The following CLNK variants were observed in gnomAD, a reference collection of about 807,000 sequenced individuals.
CLNK encodes cytokine-dependent hematopoietic cell linker.
Under a neutral mutation model 68.6 loss-of-function variants are expected in CLNK, and 74 were observed. The ratio of observed to expected loss-of-function variants is 1.08; its 90% CI spans 0.89 to 1.31. The LOEUF is 1.31. CLNK is among the 50% of genes most tolerant of loss of function. CLNK has a pLI of 0.00. For synonymous variants in CLNK, 198 were observed against 172.2 expected, an observed-to-expected ratio of 1.15 and a Z score of -1.17; for missense variants, 553 against 515.3, an observed-to-expected ratio of 1.07 and a Z score of -0.71.
At chr4:10,630,964 A>C (rs1722867806) in intron 2 of CLNK, among the ~76,000 whole-genome samples, 1 of 152,156 alleles carries the variant, frequency 6.6e-6, no homozygotes. Context: ...TACTGATATT[A>C]TTTACAGAAT....
At chr4:10,635,431 T>G (rs538625837) in intron 2 of CLNK, among the ~76,000 whole-genome samples, 1 of 152,252 alleles carries the variant, frequency 6.6e-6, no homozygotes, top group South Asian at 2.1e-4. Flanking sequence ...AGCTGTACAG[T>G]ACGTGCTCTG....
chr4:10,674,928 G>A (rs1724810223), intron 1 of CLNK, among the ~76,000 whole-genome samples: 1 of 151,558 alleles, frequency 6.6e-6, no homozygotes, highest in South Asian at 2.1e-4. Context: ...ATGTTCATGA[G>A]AATACATGGA....
chr4:10,545,387 G>A (rs563607888), intron 8 of CLNK, among the ~76,000 whole-genome samples: 4 of 152,194 alleles, frequency 2.6e-5, no homozygotes, highest in Admixed American at 1.3e-4. Context: ...GGGTCCTAAG[G>A]TTCCAGAATA....
chr4:10,519,400 A>G (rs557980288), intron 15 of CLNK, among the ~76,000 whole-genome samples: 2 of 152,148 alleles, frequency 1.3e-5, no homozygotes, highest in East Asian at 1.9e-4. Flanking sequence ...CAAAACCTCC[A>G]TAAGTAAGAC....
chr4:10,491,309 T>A, intron 18 of CLNK, among the ~76,000 whole-genome samples: 1 of 152,194 alleles, frequency 6.6e-6, no homozygotes, highest in East Asian at 1.9e-4. Context: ...AGCCTTGGAA[T>A]CTCTGTTGCC....
the CLNK span, among the ~76,000 whole-genome samples, chr4:10,714,593 G>A: frequency 6.6e-6 from 1 of 152,030 alleles, no homozygotes; most frequent in South Asian, 2.1e-4. Context: ...ACAAATCATA[G>A]ATCAAAAATC....
At chr4:10,519,811 A>G (rs1039042851) in intron 15 of CLNK, among the ~76,000 whole-genome samples, 1 of 152,174 alleles carries the variant, frequency 6.6e-6, no homozygotes, top group African/African-American at 2.4e-5. Flanking sequence ...ACTACATGGC[A>G]GGCAGAGGGC....
intron 18 of CLNK, among the ~76,000 whole-genome samples, chr4:10,499,670 T>G (rs1716960605): frequency 6.6e-6 from 1 of 152,226 alleles, no homozygotes; most frequent in South Asian, 2.1e-4. Context: ...CTACCGTAAC[T>G]AAGCACTACA....
rs536176716 is a variant in CLNK at position 10,532,424 on chromosome 4, T to C, written c.603-141A>G. 1.8e-5 allele frequency: 12 copies of C among 673,070 alleles called. No individual in the cohort carries two copies. The African/African-American group carries it at 2.2e-4, about 12-fold the overall frequency. The allele number at this position is 673,070 out of a possible 1,614,324, so 41.7% of individuals were successfully genotyped here. On this transcript the variant is annotated intron_variant, in intron 11 of 18. Coordinates refer to ENST00000226951, the MANE Select transcript of CLNK (RefSeq NM_052964.4). Reference sequence around the variant, plus strand: ...TAGTCCAGTGAGATATTTATCACTCTTCCATAAAACTAAAGCCAGGTTATT... The same window carrying C: ...TAGTCCAGTGAGATATTTATCACTCCTCCATAAAACTAAAGCCAGGTTATT...
At chr4:10,540,922 A>G (rs1478688601) in intron 10 of CLNK, among the ~76,000 whole-genome samples, 2 of 152,100 alleles carry the variant, frequency 1.3e-5, no homozygotes, top group African/African-American at 2.4e-5. Flanking sequence ...CCAAATAAAT[A>G]TAAAAAAAGT....
At chr4:10,498,252 G>A (rs978926059) in intron 18 of CLNK, among the ~76,000 whole-genome samples, 1 of 152,172 alleles carries the variant, frequency 6.6e-6, no homozygotes. Flanking sequence ...AGCACTCTGG[G>A]AGGCTGAGGC....
chr4:10,538,064 A>G (rs1024111480), intron 11 of CLNK, among the ~76,000 whole-genome samples: 3 of 152,222 alleles, frequency 2.0e-5, no homozygotes, highest in East Asian at 1.9e-4. Flanking sequence ...AGAAGATAAA[A>G]TGCTTTTTTC....
chr4:10,571,799 A>C (rs1720366024), intron 4 of CLNK, 21 bp from the exon 5 acceptor site: 1 of 1,606,726 alleles, frequency 6.2e-7, no homozygotes, highest in East Asian at 2.2e-5. Flanking sequence ...AAACAGACCG[A>C]GTGTTATTTT....
At chr4:10,596,537 A>T (rs996970767) in intron 3 of CLNK, among the ~76,000 whole-genome samples, 1 of 152,234 alleles carries the variant, frequency 6.6e-6, no homozygotes, top group Non-Finnish European at 1.5e-5. Context: ...ACATTGGTTT[A>T]ATAGTTAAAG....
chr4:10,685,949 A>T (rs1487010722), upstream of CLNK, among the ~76,000 whole-genome samples: 1 of 152,190 alleles, frequency 6.6e-6, no homozygotes, highest in East Asian at 1.9e-4. Context: ...TCACTTGCTC[A>T]CTTCTTTTGG....
intron 17 of CLNK, among the ~76,000 whole-genome samples, chr4:10,503,942 C>G (rs551792691): frequency 7.9e-5 from 12 of 150,994 alleles, no homozygotes; most frequent in African/African-American, 2.9e-4. Context: ...AACACCACGC[C>G]TAGCTAATTT....
intron 3 of CLNK, among the ~76,000 whole-genome samples, chr4:10,586,939 T>C (rs1003920539): frequency 2.0e-5 from 3 of 151,346 alleles, no homozygotes; most frequent in Admixed American, 6.6e-5. Context: ...AAGTTATCTG[T>C]ACATGTCTTT....
intron 2 of CLNK, among the ~76,000 whole-genome samples, chr4:10,655,784 G>A (rs957559513): frequency 1.3e-5 from 2 of 151,200 alleles, no homozygotes; most frequent in African/African-American, 2.4e-5. Flanking sequence ...TGAGTAGCTC[G>A]GACTACAGGC....
intron 17 of CLNK, among the ~76,000 whole-genome samples, chr4:10,501,639 C>T (rs1470359020): frequency 1.3e-5 from 2 of 152,130 alleles, no homozygotes; most frequent in African/African-American, 4.8e-5. Flanking sequence ...GAAAGTCTTT[C>T]ATTGAGGCCA....
Sources: allele counts gnomAD v4.1 joint callset (sites outside exome capture counted in the v4.1 genomes callset), GRCh38; gene constraint gnomAD v4.1.1; transcripts MANE v1.5; gene names NCBI Gene and HGNC (gene_info 2026-07-23, HGNC 2026-07-21).